The following AKAP12 variants were observed in gnomAD, a reference collection of about 807,000 sequenced individuals.
AKAP12 encodes A-kinase anchoring protein 12.
In AKAP12, 32 loss-of-function variants were observed where a neutral mutation model predicts 79.9. The ratio of observed to expected loss-of-function variants is 0.40; its 90% confidence interval spans 0.30 to 0.54. The LOEUF (loss-of-function observed/expected upper bound fraction) is 0.54, where lower values mean the gene tolerates loss of function less well. Ranked by LOEUF, AKAP12 falls within the 20% of genes least tolerant of loss-of-function variation. The pLI is 0.48. For synonymous variants in AKAP12, 808 were observed against 857.0 expected, an observed-to-expected ratio of 0.94 and a Z score of 1.00; for missense variants, 2,074 against 2,177.0, an observed-to-expected ratio of 0.95 and a Z score of 0.94.
chr6:151,287,621 T>G (rs1439520154), intron 2 of AKAP12, among the ~76,000 whole-genome samples: 1 of 152,156 alleles, frequency 6.6e-6, no homozygotes, highest in Non-Finnish European at 1.5e-5. Flanking sequence ...TTGGTCGGAG[T>G]ATAAATTAGT....
chr6:151,290,416 C>T (rs1308829687), intron 2 of AKAP12, among the ~76,000 whole-genome samples: 1 of 152,124 alleles, frequency 6.6e-6, no homozygotes, highest in Non-Finnish European at 1.5e-5. Context: ...ACATCCCTCA[C>T]CCAACTACAG....
rs1486845494 is a variant in AKAP12 at position 151,357,463 on chromosome 6, G to A, written c.*1749G>A. The stretch of plus-strand genomic sequence containing the variant: ...TTTAAATTTTGACTGCTGATTAGCT[G>A]GAAAGCCTAGTTTTAATGGAAAGAA... On this transcript the variant is annotated 3_prime_UTR_variant, in exon 5 of 5. Coordinates refer to ENST00000402676, the MANE Select transcript of AKAP12 (RefSeq NM_005100.4). 6.6e-6 allele frequency: 1 copy of A among 152,108 alleles called. No homozygotes were observed. The highest frequency in any genetic ancestry group is 1.5e-5 in the Non-Finnish European group (1 of 68,026). The allele number at this position is 152,108 out of a possible 1,614,324, so 9.4% of individuals were successfully genotyped here.
intron 3 of AKAP12, chr6:151,343,999 C>T (rs777198651): frequency 1.4e-5 from 6 of 428,802 alleles, no homozygotes; most frequent in Admixed American, 3.3e-5. Context: ...TCGTCGATGT[C>T]TGGACTTTCT....
At chr6:151,260,412 G>C (rs1230578782) in intron 2 of AKAP12, among the ~76,000 whole-genome samples, 1 of 152,200 alleles carries the variant, frequency 6.6e-6, no homozygotes, top group Non-Finnish European at 1.5e-5. Flanking sequence ...CAGGGGCCTT[G>C]GCTATGCTGC....
chr6:151,287,042 C>A (rs1451040497), intron 2 of AKAP12, among the ~76,000 whole-genome samples: 2 of 151,286 alleles, frequency 1.3e-5, no homozygotes, highest in Admixed American at 1.3e-4. Flanking sequence ...CGGGTTCACA[C>A]CATTCTCCTG....
At chr6:151,255,441 G>A (rs1485910032) in intron 2 of AKAP12, among the ~76,000 whole-genome samples, 7 of 151,974 alleles carry the variant, frequency 4.6e-5, no homozygotes, top group Non-Finnish European at 7.4e-5. Flanking sequence ...GATTACAGGC[G>A]TGAGCCACCG....
intron 2 of AKAP12, among the ~76,000 whole-genome samples, chr6:151,296,980 A>G (rs750967581): frequency 4.7e-5 from 7 of 148,712 alleles, no homozygotes; most frequent in Non-Finnish European, 8.9e-5. Flanking sequence ...TTAAATATAC[A>G]TTGGAAAATA....
intron 2 of AKAP12, among the ~76,000 whole-genome samples, chr6:151,298,079 AG>A (rs1261771443): frequency 6.6e-6 from 1 of 152,194 alleles, no homozygotes; most frequent in Admixed American, 6.5e-5. Context: ...CATAGCTGAG[AG>A]GAGCTTGGAC....
chr6:151,247,076 A>G (rs1797090442), intron 2 of AKAP12, among the ~76,000 whole-genome samples: 1 of 150,830 alleles, frequency 6.6e-6, no homozygotes, highest in Admixed American at 6.6e-5. Context: ...TACAGGTGTG[A>G]GCCCCCATGC....
intron 2 of AKAP12, among the ~76,000 whole-genome samples, chr6:151,276,969 C>G (rs1368688213): frequency 1.3e-5 from 2 of 152,174 alleles, no homozygotes. Context: ...TCCACGGGCA[C>G]ATAATCAATT....
chr6:151,348,772 G>T lies in AKAP12; in HGVS notation c.381G>T (p.Lys127Asn), dbSNP rs766988682. The part of the protein sequence containing the change: ...KRDSDKEMAT[K>N]SAVVHDITDD... ...ACTCCGATAAAGAGATGGCTACTAA[G>T]TCAGCGGTTGTTCACGACATCACAG... is the stretch of plus-strand genomic sequence containing the variant. The change falls in exon 4 of 5, where the codon AAG becomes AAT. Residue 127 changes from lysine (K) to asparagine (N), a missense_variant. Lys to Asn is a moderately conservative substitution (Grantham distance 94). Coordinates refer to ENST00000402676, the MANE Select transcript of AKAP12 (RefSeq NM_005100.4). 1 of 1,457,060 alleles carries T rather than the reference G, an allele frequency of 6.9e-7. No individual in the cohort carries two copies. Among genetic ancestry groups the T allele is most frequent in the East Asian group, 3.2e-5 (1 of 31,706 alleles). The allele number at this position is 1,457,060 out of a possible 1,614,324, so 90.3% of individuals were successfully genotyped here. A position where few individuals can be genotyped will look rare whatever the true frequency, so the allele number is the denominator to read the frequency against.
chr6:151,252,541 C>T (rs1361604609), intron 2 of AKAP12, among the ~76,000 whole-genome samples: 1 of 151,498 alleles, frequency 6.6e-6, no homozygotes, highest in East Asian at 1.9e-4. Context: ...CACTGAAGGC[C>T]CCGATAGTGG....
rs137894012 is a variant in AKAP12 at position 151,350,998 on chromosome 6, A to C, written c.2607A>C (p.Ala869=). ...AGGCACAGCAAGCCCAAAAAAGCGC[A>C]GAGCAGCCCGAGCAGAAGGCAGCCA... ...KMEAQQAQKS[A]EQPEQKAATE... is the part of the protein sequence containing the mutation. Residue 869 remains alanine, a synonymous_variant, in exon 4 of 5, where the codon GCA becomes GCC. Coordinates refer to ENST00000402676, the MANE Select transcript of AKAP12 (RefSeq NM_005100.4). The surrounding 1 kb of genome is among the most constrained non-coding windows in gnomAD (Gnocchi z 4.8). The C allele has an allele frequency of 2.5e-6, 4 of 1,614,108 alleles. No homozygotes were observed. Among genetic ancestry groups the C allele is most frequent in the East Asian group, 2.2e-5 (1 of 44,860 alleles).
chr6:151,329,995 G>C (rs754038876), intron 3 of AKAP12, among the ~76,000 whole-genome samples: 7 of 152,200 alleles, frequency 4.6e-5, no homozygotes, highest in Non-Finnish European at 8.8e-5. Context: ...TGCCTGCCCA[G>C]ATGTTTAAGG....
chr6:151,349,438 A>G lies in AKAP12; in HGVS notation c.1047A>G (p.Lys349=). The change falls in exon 4 of 5, where the codon AAA becomes AAG. Residue 349 remains lysine (K), a synonymous_variant. Transcript: ENST00000402676. ...EDGKAEVASE[K]LTASEQAHPQ... ...GAAAGGCAGAGGTTGCCTCCGAGAA[A>G]CTGACCGCCTCCGAGCAAGCCCACC... 6.2e-7 allele frequency: 1 copy of G among 1,608,804 alleles called. No homozygotes were observed. The highest frequency in any genetic ancestry group is 1.3e-5 in the African/African-American group (1 of 74,244).
intron 3 of AKAP12, 79 bp downstream of exon 3, chr6:151,305,982 A>G (rs1273896506): frequency 4.9e-6 from 7 of 1,441,088 alleles, no homozygotes; most frequent in Non-Finnish European, 6.5e-6. Context: ...ACTCTGTCAT[A>G]CTGCCTGGTG....
rs33929436 is a variant in AKAP12, at chr6:151,357,709, ATTTTTTTT to A, written c.*2009_*2016del. The A allele has an allele frequency of 4.9e-5, 5 of 102,700 alleles. No homozygotes were observed. Among genetic ancestry groups the A allele is most frequent in the African/African-American group, 1.6e-4 (5 of 30,556 alleles). 6.4% of individuals were successfully genotyped at this position (102,700 alleles called of 1,614,324 possible). ...AAAAAACCTCTGATATATATATATAATTTTTTTTTTTTTTTTTTTTTGGCCAACTGAGA... is the reference window on the plus strand; with the variant it reads ...AAAAAACCTCTGATATATATATATAATTTTTTTTTTTTTGGCCAACTGAGA... On this transcript the variant is annotated 3_prime_UTR_variant, in exon 5 of 5. Coordinates refer to ENST00000402676, the MANE Select transcript of AKAP12 (RefSeq NM_005100.4).
chr6:151,311,242 T>A (rs886630989), intron 3 of AKAP12, among the ~76,000 whole-genome samples: 14 of 152,230 alleles, frequency 9.2e-5, no homozygotes, highest in Non-Finnish European at 1.6e-4. Context: ...GTCTTGGGAC[T>A]ACAGAAGTGA....
At chr6:151,306,011 C>A in intron 3 of AKAP12, 108 bp downstream of exon 3, 2 of 1,148,096 alleles carry the variant, frequency 1.7e-6, no homozygotes, top group Non-Finnish European at 2.4e-6. Context: ...GTGTTAACAG[C>A]AAAAACAATC....
Sources: allele counts gnomAD v4.1 joint callset (sites outside exome capture counted in the v4.1 genomes callset), GRCh38; gene constraint gnomAD v4.1.1; non-coding constraint Gnocchi (gnomAD v3.1); transcripts MANE v1.5; gene names NCBI Gene and HGNC (gene_info 2026-07-23, HGNC 2026-07-21).